The following DOCK6 variants were observed in gnomAD, a reference collection of about 807,000 sequenced individuals.
DOCK6 encodes dedicator of cytokinesis 6.
Under a neutral mutation model 230.3 loss-of-function variants are expected in DOCK6, and 167 were observed. That is an observed-to-expected ratio of 0.73 (90% confidence interval 0.64 to 0.82). The LOEUF (loss-of-function observed/expected upper bound fraction) is 0.82, where lower values mean the gene tolerates loss of function less well. Among genes scored for constraint, DOCK6 ranks in the 40% least tolerant of loss-of-function variants. DOCK6 has a pLI of 0.00. For synonymous variants in DOCK6, 1,148 were observed against 1,185.0 expected, an observed-to-expected ratio of 0.97 and a Z score of 0.64; for missense variants, 2,598 against 2,825.8, an observed-to-expected ratio of 0.92 and a Z score of 1.83.
Position 11,233,330 on chromosome 19 carries a change from G to A in DOCK6, c.2591C>T (p.Ala864Val). 1 of 1,613,864 alleles carries A rather than the reference G, an allele frequency of 6.2e-7. No homozygotes were observed. The highest frequency in any genetic ancestry group is 1.1e-5 in the South Asian group (1 of 91,068). The stretch of plus-strand genomic sequence containing the variant: ...GCTTGCGGGGCGACCAGAGCCACGG[G>A]CCAGTGTGGCAGCCTGCACTGTCAC... ...PPVTVQAATL[A>V]RGSGRPASLY... Residue 864 changes from alanine (A) to valine (V), a missense_variant, in exon 22 of 48, where the codon GCC (alanine) becomes GTC (valine). By Grantham distance (64) the Ala-to-Val change is moderately conservative (BLOSUM62 0). Transcript: ENST00000294618.
intron 14 of DOCK6, chr19:11,240,219 G>T: frequency 6.4e-7 from 1 of 1,569,658 alleles, no homozygotes; most frequent in Non-Finnish European, 8.6e-7. Context: ...GGTGCTACGG[G>T]ACAGCGTGCA....
chr19:11,202,332 A>G lies in DOCK6; in HGVS notation c.5451+62T>C. 3 of 1,565,304 alleles carry G rather than the reference A, an allele frequency of 1.9e-6. No individual in the cohort carries two copies. Among genetic ancestry groups the G allele is most frequent in the Non-Finnish European group, 2.6e-6 (3 of 1,150,810 alleles). ...AGAGAAAGAGGATTTGAGGGTCCCC[A>G]GGAAACAGCACTTGGAGTCTCTGTG... On this transcript the variant is annotated intron_variant, in intron 43 of 47. Transcript: ENST00000294618. This position sits in a 1 kb window ranked among gnomAD's most constrained non-coding sequence, Gnocchi z 5.3.
chr19:11,235,719 T>A lies in DOCK6; in HGVS notation c.2433A>T (p.Val811=). The A allele has an allele frequency of 6.3e-7, 1 of 1,599,590 alleles. No homozygotes were observed. Among genetic ancestry groups the A allele is most frequent in the Non-Finnish European group, 8.5e-7 (1 of 1,172,762 alleles). The stretch of plus-strand genomic sequence containing the variant: ...CCAGGCTCCGGTGAACAAGGCTGAC[T>A]ACATGGGCCATTGCTTCAAAGGCTC... The part of the protein sequence containing the change: ...GRGAFEAMAH[V]VSLVHRSLEA... Residue 811 remains valine (V), a synonymous_variant, in exon 21 of 48, where the codon GTA becomes GTT. Transcript: ENST00000294618.
Position 11,248,162 on chromosome 19 carries a change from TG to T in DOCK6, c.721-12del. On this transcript the variant is annotated splice_polypyrimidine_tract_variant and intron_variant, in intron 6 of 47. Transcript: ENST00000294618. Reference sequence around the variant, plus strand: ...TTCCACGGCTTCATCCTGCCAAGAGTGGGGGGTGGGAGCTGGGCGGGAGGAG... The same window carrying T: ...TTCCACGGCTTCATCCTGCCAAGAGTGGGGGTGGGAGCTGGGCGGGAGGAG... 10 of 1,155,032 alleles carry T rather than the reference TG, an allele frequency of 8.7e-6. No individual in the cohort carries two copies. The highest frequency in any genetic ancestry group is 8.7e-6 in the Non-Finnish European group (7 of 806,066). The allele number at this position is 1,155,032 out of a possible 1,614,324, so 71.5% of individuals were successfully genotyped here.
chr19:11,242,895 A>G (rs1260175742), intron 13 of DOCK6, among the ~76,000 whole-genome samples, 164 bp downstream of exon 13: 1 of 152,072 alleles, frequency 6.6e-6, no homozygotes, highest in African/African-American at 2.4e-5. Flanking sequence ...CTTCTTGTCT[A>G]TGGTCCCCAT....
At chr19:11,239,245 A>T (rs2079901042) in intron 14 of DOCK6, among the ~76,000 whole-genome samples, 1 of 152,182 alleles carries the variant, frequency 6.6e-6, no homozygotes, top group Non-Finnish European at 1.5e-5. Context: ...GTGGGAGGGG[A>T]ACAAGAGCAG....
Position 11,215,382 on chromosome 19 carries a change from C to A in DOCK6, c.4106+5G>T. The A allele has an allele frequency of 6.2e-7, 1 of 1,613,428 alleles. No homozygotes were observed. The highest frequency in any genetic ancestry group is 8.5e-7 in the Non-Finnish European group (1 of 1,179,612). On this transcript the variant is annotated splice_donor_5th_base_variant and intron_variant, in intron 32 of 47. Coordinates refer to ENST00000294618, the MANE Select transcript of DOCK6 (RefSeq NM_020812.4). The stretch of plus-strand genomic sequence containing the variant: ...CTCAGCAGACACCCTCCTGCCCACA[C>A]CTACTTGTCCACGCGGTCTGAGGTT...
chr19:11,254,903 C>G (rs1225604386), intron 1 of DOCK6, among the ~76,000 whole-genome samples: 1 of 152,144 alleles, frequency 6.6e-6, no homozygotes, highest in African/African-American at 2.4e-5. Flanking sequence ...AGTTCGGGCT[C>G]CGTGCTTTGA....
chr19:11,227,970 G>C (rs1384304892), intron 23 of DOCK6, among the ~76,000 whole-genome samples: 1 of 150,560 alleles, frequency 6.6e-6, no homozygotes, highest in African/African-American at 2.4e-5. Flanking sequence ...CTATTGAAGA[G>C]TTTTAGGGAT....
In DOCK6 at chr19:11,245,807, C is replaced by T. The variant is rs777268018; in HGVS notation, c.873+5G>A. 1.6e-5 allele frequency: 26 copies of T among 1,580,122 alleles called. No homozygotes were observed. Among genetic ancestry groups the T allele is most frequent in the Non-Finnish European group, 1.8e-5 (21 of 1,162,698 alleles). ...GGGGAGGAAAGAGAAAAAAGGGCCT[C>T]CTACCTTCTTTTTCTCCCGCACATC... On this transcript the variant is annotated splice_donor_5th_base_variant and intron_variant, in intron 8 of 47. Transcript: ENST00000294618.
At chr19:11,230,353 C>A (rs1865063) in intron 22 of DOCK6, among the ~76,000 whole-genome samples, 1 of 151,700 alleles carries the variant, frequency 6.6e-6, no homozygotes, top group East Asian at 1.9e-4. Flanking sequence ...AAAAAAAGAA[C>A]GTGATGGAGG....
chr19:11,243,689 G>A lies in DOCK6; in HGVS notation c.1126C>T (p.Leu376=). 1 of 1,613,644 alleles carries A rather than the reference G, an allele frequency of 6.2e-7. No homozygotes were observed. The change falls in exon 11 of 48, where the codon CTG becomes TTG. Residue 376 remains leucine, a synonymous_variant. Coordinates refer to ENST00000294618, the MANE Select transcript of DOCK6 (RefSeq NM_020812.4). This position sits in a 1 kb window ranked among gnomAD's most constrained non-coding sequence, Gnocchi z 6.3. Reference sequence around the variant, plus strand: ...CAGAACTGCTCGGCCGCCAGGCGCAGCTTCTCTAGCTTCTCTTTGTTCTGT... The same window carrying A: ...CAGAACTGCTCGGCCGCCAGGCGCAACTTCTCTAGCTTCTCTTTGTTCTGT... ...TAKNKEKLEK[L]RLAAEQFCTR... is the part of the protein sequence containing the mutation.
intron 1 of DOCK6, among the ~76,000 whole-genome samples, chr19:11,260,882 C>CAAAAAAAAAAAAAAAAAAAAA (rs59900669): frequency 1.3e-4 from 8 of 61,724 alleles, no homozygotes; most frequent in Admixed American, 2.4e-4. Context: ...GACTCTGTCT[C>CAAAAAAAAAAAAAAAAAAAAA]AAAAAAAAAA....
rs2079162414 is a variant in DOCK6, at chr19:11,201,100, C to A, written c.5689-48G>T. The A allele has an allele frequency of 6.2e-7, 1 of 1,603,932 alleles. No homozygotes were observed. Among genetic ancestry groups the A allele is most frequent in the Non-Finnish European group, 8.5e-7 (1 of 1,176,610 alleles). On this transcript the variant is annotated intron_variant, in intron 44 of 47. Coordinates refer to ENST00000294618, the MANE Select transcript of DOCK6 (RefSeq NM_020812.4). This position sits in a 1 kb window ranked among gnomAD's most constrained non-coding sequence, Gnocchi z 4.3. ...TGTACTCGCTGGGGCCTGAGGAGGT[C>A]CTGATCGAAGCCAGTCGGGGGCAGC... is the stretch of plus-strand genomic sequence containing the variant.
chr19:11,237,810 G>A (rs1160163197), intron 16 of DOCK6, 31 bp from the exon 17 acceptor site: 1 of 1,552,614 alleles, frequency 6.4e-7, no homozygotes, highest in Non-Finnish European at 8.7e-7. Context: ...GATCTGCTGG[G>A]GGCTGGGGTC....
chr19:11,213,420 G>A, intron 34 of DOCK6, 92 bp from the exon 35 acceptor site: 17 of 1,510,800 alleles, frequency 1.1e-5, no homozygotes, highest in Non-Finnish European at 1.4e-5. Context: ...TTGGGCAGGG[G>A]TTTGTGTTCT....
chr19:11,223,029 G>A lies in DOCK6; in HGVS notation c.3033C>T (p.Gly1011=). The change falls in exon 25 of 48, where the codon GGC becomes GGT. Residue 1011 remains glycine, a synonymous_variant. Coordinates refer to ENST00000294618, the MANE Select transcript of DOCK6 (RefSeq NM_020812.4). ...GGGCCCGGACCAGGCTGAAGACAAA[G>A]CCCCGGTCCACCAGGGACAGAAGGT... ...LSDLLSLVDR[G]FVFSLVRAHY... is the part of the protein sequence containing the mutation. The A allele has an allele frequency of 1.9e-6, 3 of 1,613,774 alleles. No homozygotes were observed. In the South Asian group the frequency reaches 3.3e-5, roughly 18 times the overall value.
At chr19:11,237,020 G>C (rs1416179146) in intron 18 of DOCK6, 141 bp from the exon 19 acceptor site, 2 of 804,740 alleles carry the variant, frequency 2.5e-6, no homozygotes, top group Non-Finnish European at 3.8e-6. Flanking sequence ...CCCCAGCCCT[G>C]GTCCCAGTAG....
chr19:11,247,985 C>CCG, intron 7 of DOCK6, 81 bp downstream of exon 7: 12 of 1,246,078 alleles, frequency 9.6e-6, no homozygotes, highest in Non-Finnish European at 1.4e-5. Flanking sequence ...GGTAATGGCA[C>CCG]TACTCATGTA....
Sources: gnomAD v4.1 joint callset for allele counts (sites outside exome capture counted in the v4.1 genomes callset) on GRCh38, gnomAD v4.1.1 for gene constraint, Gnocchi (gnomAD v3.1) non-coding constraint, MANE v1.5 for transcripts, NCBI Gene and HGNC (gene_info 2026-07-23, HGNC 2026-07-21) for gene names.